EXOC2: variants seen among roughly 807,000 people sequenced by gnomAD.
The protein encoded by EXOC2 is SEC5-like 1.
EXOC2 carries 70 observed loss-of-function variants against 131.8 expected under a neutral mutation model. The observed-to-expected ratio is 0.53, with a 90% CI of 0.44 to 0.65. The LOEUF (loss-of-function observed/expected upper bound fraction) is 0.65. Among genes scored for constraint, EXOC2 ranks in the 30% least tolerant of loss-of-function variants. The pLI, the probability that EXOC2 is intolerant of heterozygous loss-of-function variation, is 0.00. For missense variants in EXOC2, 923 were observed against 1,108.6 expected (o/e 0.83, Z 2.38); for synonymous variants, 411 against 398.4 (o/e 1.03, Z -0.38).
chr6:679,812 A>G (rs967430512), intron 1 of EXOC2, among the ~76,000 whole-genome samples: 2 of 152,254 alleles, frequency 1.3e-5, no homozygotes, highest in Non-Finnish European at 2.9e-5. Flanking sequence ...AGCGAAATAG[A>G]AAGACATACG....
chr6:617,659 C>A, intron 6 of EXOC2, 52 bp downstream of exon 6: 1 of 1,587,936 alleles, frequency 6.3e-7, no homozygotes, highest in Non-Finnish European at 8.6e-7. Context: ...GCAGGCAGTG[C>A]CGGGTTTCCA....
chr6:523,460 T>C (rs1765586784), intron 23 of EXOC2, among the ~76,000 whole-genome samples: 2 of 152,386 alleles, frequency 1.3e-5, no homozygotes, highest in South Asian at 2.1e-4. Context: ...GACTTGGTAA[T>C]ATTTGTTGAC....
intron 23 of EXOC2, among the ~76,000 whole-genome samples, chr6:513,220 G>A (rs556401791): frequency 6.6e-6 from 1 of 152,374 alleles, no homozygotes; most frequent in South Asian, 2.1e-4. Context: ...CCGTGGGGAA[G>A]AGCCAGACCA....
intron 25 of EXOC2, among the ~76,000 whole-genome samples, chr6:496,325 T>C (rs1327636748): frequency 2.0e-5 from 3 of 152,272 alleles, no homozygotes; most frequent in African/African-American, 7.2e-5. Context: ...CTCTGGATTC[T>C]GTAATATATC....
At chr6:526,434 T>A (rs1765745278) in intron 23 of EXOC2, among the ~76,000 whole-genome samples, 2 of 14,176 alleles carry the variant, frequency 1.4e-4, no homozygotes. Context: ...CTTTGTGGAT[T>A]TTTTTTTTTT....
intron 10 of EXOC2, 144 bp from the exon 11 acceptor site, chr6:592,731 A>G (rs902102117): frequency 3.2e-6 from 2 of 619,566 alleles, no homozygotes. Flanking sequence ...AATGAAATAT[A>G]TTCAAATTTC....
At chr6:582,591 GC>G (rs1758971156) in intron 11 of EXOC2, among the ~76,000 whole-genome samples, 1 of 145,918 alleles carries the variant, frequency 6.9e-6, no homozygotes, top group African/African-American at 2.5e-5. Context: ...TTCCTTTCAA[GC>G]GCACCACACA....
chr6:551,411 CA>C (rs1403039093), intron 21 of EXOC2, among the ~76,000 whole-genome samples: 1 of 152,126 alleles, frequency 6.6e-6, no homozygotes, highest in Non-Finnish European at 1.5e-5. Flanking sequence ...AATTTGGTCA[CA>C]AAAAAACACT....
chr6:640,189 GTTC>G (rs990192902), intron 1 of EXOC2, among the ~76,000 whole-genome samples: 1 of 152,178 alleles, frequency 6.6e-6, no homozygotes, highest in African/African-American at 2.4e-5. Flanking sequence ...AGGCAAATGT[GTTC>G]TTCTTTGGTT....
chr6:573,182 A>C (rs1758382422), intron 12 of EXOC2, among the ~76,000 whole-genome samples: 2 of 152,256 alleles, frequency 1.3e-5, no homozygotes, highest in South Asian at 2.1e-4. Context: ...CCTAAAATAA[A>C]GAAATTTAAG....
intron 16 of EXOC2, among the ~76,000 whole-genome samples, chr6:563,167 A>G (rs1757788708): frequency 6.6e-6 from 1 of 152,244 alleles, no homozygotes; most frequent in Non-Finnish European, 1.5e-5. Flanking sequence ...AGGCATGTAC[A>G]AAATAAGTCA....
At position 506,414 on chromosome 6, in the gene EXOC2, G is replaced by A. The variant is rs1764540774; in HGVS notation, c.2381-6714C>T. 6.6e-6 allele frequency among the ~76,000 whole-genome samples: 1 copy of A among 152,174 alleles called. No homozygotes were observed. Among genetic ancestry groups the A allele is most frequent in the Non-Finnish European group, 1.5e-5 (1 of 68,022 alleles). ...GGGAGGGATCATCAGTGTGGACAGT[G>A]TGCCAAGAAAAATACAAGGCAAACG... On this transcript the variant is annotated intron_variant, in intron 23 of 27. Transcript: ENST00000230449. This position sits in a 1 kb window ranked among gnomAD's most constrained non-coding sequence, Gnocchi z 4.4.
Position 610,208 on chromosome 6 carries a change from G to A in EXOC2, c.662-30C>T, listed in dbSNP as rs763973142. ...AAAAAAAAATCTAGTTAAAATGTAGGCCATTTTAATGGGTGGAGATACATT... is the reference window on the plus strand; with the variant it reads ...AAAAAAAAATCTAGTTAAAATGTAGACCATTTTAATGGGTGGAGATACATT... On this transcript the variant is annotated intron_variant, in intron 6 of 27. Coordinates refer to ENST00000230449, the MANE Select transcript of EXOC2 (RefSeq NM_018303.6). The A allele has an allele frequency of 2.2e-5, 34 of 1,565,888 alleles. No individual in the cohort carries two copies. The South Asian group carries it at 3.7e-4, about 17-fold the overall frequency.
chr6:569,673 C>T (rs1319139169), intron 13 of EXOC2, among the ~76,000 whole-genome samples: 1 of 152,196 alleles, frequency 6.6e-6, no homozygotes, highest in Non-Finnish European at 1.5e-5. Flanking sequence ...TCTAGCTCTT[C>T]AGAAGAGGGC....
chr6:531,190 G>GT (rs1324801897), intron 23 of EXOC2, among the ~76,000 whole-genome samples: 1 of 152,238 alleles, frequency 6.6e-6, no homozygotes, highest in Non-Finnish European at 1.5e-5. Flanking sequence ...CAGAGGTTGA[G>GT]TCCAGCTGGA....
intron 4 of EXOC2, 152 bp downstream of exon 4, chr6:629,683 G>C (rs1314299201): frequency 2.3e-6 from 2 of 871,358 alleles, no homozygotes; most frequent in African/African-American, 3.5e-5. Flanking sequence ...TAGCTAACAA[G>C]GCTTCATAAA....
intron 1 of EXOC2, among the ~76,000 whole-genome samples, chr6:684,168 A>G (rs1367759791): frequency 6.6e-6 from 1 of 152,036 alleles, no homozygotes; most frequent in Non-Finnish European, 1.5e-5. Context: ...AGAGAGGGAG[A>G]AGGATGAGGT....
At chr6:542,517 T>C (rs148429186) in intron 22 of EXOC2, among the ~76,000 whole-genome samples, 319 of 152,294 alleles carry the variant, frequency 2.1e-3, no homozygotes, top group Non-Finnish European at 3.8e-3. Flanking sequence ...ATCAAGATTT[T>C]GTGAAGTCCG....
At chr6:593,840 T>C (rs1294182215) in intron 10 of EXOC2, among the ~76,000 whole-genome samples, 1 of 152,220 alleles carries the variant, frequency 6.6e-6, no homozygotes, top group Admixed American at 6.5e-5. Flanking sequence ...TGAGTGTGTG[T>C]TACTCAGGTA....
Sources: allele counts gnomAD v4.1 joint callset (sites outside exome capture counted in the v4.1 genomes callset), GRCh38; gene constraint gnomAD v4.1.1; non-coding constraint Gnocchi (gnomAD v3.1); transcripts MANE v1.5; gene names NCBI Gene and HGNC (gene_info 2026-07-23, HGNC 2026-07-21).